The following BLOC1S1 variants were observed in gnomAD, a reference collection of about 807,000 sequenced individuals.
The protein encoded by BLOC1S1 is biogenesis of lysosome-related organelles complex 1 subunit 1.
BLOC1S1 carries 11 observed loss-of-function variants against 19.0 expected under a neutral mutation model. That is an observed-to-expected ratio of 0.58 (90% CI 0.37 to 0.96). The LOEUF (loss-of-function observed/expected upper bound fraction) is 0.96, where lower values mean the gene tolerates loss of function less well. Ranked by LOEUF, BLOC1S1 falls within the 40% of genes least tolerant of loss-of-function variation. The pLI is 0.01. For synonymous variants in BLOC1S1, 94 were observed against 76.4 expected, an observed-to-expected ratio of 1.23 and a Z score of -1.20; for missense variants, 220 against 195.9, an observed-to-expected ratio of 1.12 and a Z score of -0.73.
At chr12:55,719,279 C>T (rs1397927721) in intron 3 of BLOC1S1, 56 bp downstream of exon 3, 1 of 1,613,518 alleles carries the variant, frequency 6.2e-7, no homozygotes, top group African/African-American at 1.3e-5. Flanking sequence ...TGGCTGCCTC[C>T]AGTCAGGTTA....
rs1193160396 is a variant in BLOC1S1, at chr12:55,719,243, T to C, written c.351+20T>C. 2 of 1,613,946 alleles carry C rather than the reference T, an allele frequency of 1.2e-6. No individual in the cohort carries two copies. The highest frequency in any genetic ancestry group is 1.7e-6 in the Non-Finnish European group (2 of 1,179,972). ...CTCAAGGTGGGCCATACTCCCTACCTCACCACCCCAATCCTGGGCCCCCAT... is the reference window on the plus strand; with the variant it reads ...CTCAAGGTGGGCCATACTCCCTACCCCACCACCCCAATCCTGGGCCCCCAT... On this transcript the variant is annotated intron_variant, in intron 3 of 3. Coordinates refer to ENST00000548925, the MANE Select transcript of BLOC1S1 (RefSeq NM_001487.4).
intron 2 of BLOC1S1, among the ~76,000 whole-genome samples, chr12:55,718,305 A>G (rs1707223131): frequency 6.6e-6 from 1 of 152,144 alleles, no homozygotes; most frequent in South Asian, 2.1e-4. Flanking sequence ...CTGGCTGAGT[A>G]GAGCTCTGGG....
chr12:55,719,193 A>G lies in BLOC1S1; in HGVS notation c.321A>G (p.Gly107=). 6.2e-7 allele frequency: 1 copy of G among 1,613,784 alleles called. No individual in the cohort carries two copies. Residue 107 remains glycine (G), a synonymous_variant, in exon 3 of 4, where the codon GGA becomes GGG. Coordinates refer to ENST00000548925, the MANE Select transcript of BLOC1S1 (RefSeq NM_001487.4). ...QFAKQTGQWI[G]MVENFNQALK... ...CCAAGCAGACAGGCCAGTGGATCGG[A>G]ATGGTGGAGAACTTCAACCAGGCAC... is the stretch of plus-strand genomic sequence containing the variant.
Position 55,716,950 on chromosome 12 carries a change from G to T in BLOC1S1, c.163G>T (p.Ala55Ser). ...CTCCCCAGAAAAGAGGAGGCGAGAG[G>T]CTATCACTGCAGCGACCTGCCTGAC... is the stretch of plus-strand genomic sequence containing the variant. Reference protein sequence around the residue: ...KELQEKRRREAITAATCLTEA... With the variant: ...KELQEKRRRESITAATCLTEA... The change falls in exon 2 of 4, where the codon GCT (alanine) becomes TCT (serine). Residue 55 changes from alanine to serine, a missense_variant. Physicochemically the swap from Ala to Ser is moderately conservative, Grantham distance 99. Transcript: ENST00000548925. 6.3e-7 allele frequency: 1 copy of T among 1,592,620 alleles called. No homozygotes were observed. Among genetic ancestry groups the T allele is most frequent in the Non-Finnish European group, 8.5e-7 (1 of 1,171,104 alleles).
chr12:55,719,286 G>T (rs1565653206), intron 3 of BLOC1S1, 63 bp downstream of exon 3: 5 of 1,612,318 alleles, frequency 3.1e-6, no homozygotes, highest in Admixed American at 3.3e-5. Context: ...CTCCAGTCAG[G>T]TTACCTCAGG....
At chr12:55,718,518 T>TGTGTGTGTG (rs1565652869) in intron 2 of BLOC1S1, among the ~76,000 whole-genome samples, 5 of 125,312 alleles carry the variant, frequency 4.0e-5, no homozygotes, top group African/African-American at 1.7e-4. Context: ...GTGTGTGTGT[T>TGTGTGTGTG]TGTGTGTGTT....
chr12:55,719,648 C>A lies in BLOC1S1; in HGVS notation c.*39C>A. On this transcript the variant is annotated 3_prime_UTR_variant, in exon 4 of 4. Coordinates refer to ENST00000548925, the MANE Select transcript of BLOC1S1 (RefSeq NM_001487.4). The stretch of plus-strand genomic sequence containing the variant: ...CCCCAACCCTATCCCTCCTACCTCA[C>A]CCGCAGGGGGAAGGAGGGAGGCTGA... 6.5e-7 allele frequency: 1 copy of A among 1,546,160 alleles called. No homozygotes were observed. The highest frequency in any genetic ancestry group is 8.9e-7 in the Non-Finnish European group (1 of 1,119,804).
chr12:55,716,379 G>A, intron 1 of BLOC1S1, 183 bp downstream of exon 1: 1 of 1,428,802 alleles, frequency 7.0e-7, no homozygotes, highest in Non-Finnish European at 9.1e-7. Context: ...AACTGGCTCC[G>A]GTCCCTTGGG....
At chr12:55,716,716 G>C (rs1248149593) in intron 1 of BLOC1S1, 2 of 1,309,824 alleles carry the variant, frequency 1.5e-6, no homozygotes, top group Non-Finnish European at 1.9e-6. Context: ...TGGCGTCCCT[G>C]AGTGAGTCCA....
At chr12:55,716,305 G>A (rs973541375) in intron 1 of BLOC1S1, 109 bp downstream of exon 1, 9 of 1,514,082 alleles carry the variant, frequency 5.9e-6, no homozygotes, top group Admixed American at 2.5e-5. Context: ...GCCAGCTAGC[G>A]GGCAACGGGC....
intron 2 of BLOC1S1, 127 bp from the exon 3 acceptor site, chr12:55,718,964 A>G (rs1409017450): frequency 8.1e-7 from 1 of 1,230,160 alleles, no homozygotes; most frequent in Non-Finnish European, 1.1e-6. Context: ...TTTGCATCAC[A>G]TCCAAAAATG....
chr12:55,716,471 C>A, intron 1 of BLOC1S1: 2 of 1,310,214 alleles, frequency 1.5e-6, no homozygotes, highest in South Asian at 1.8e-5. Flanking sequence ...AGCGCCCTGC[C>A]TATTGGCCCT....
At chr12:55,716,435 G>A (rs1483777220) in intron 1 of BLOC1S1, 1 of 1,365,234 alleles carries the variant, frequency 7.3e-7, no homozygotes, top group Admixed American at 3.4e-5. Context: ...CCGACCTGCC[G>A]CACCTTAGCC....
chr12:55,717,778 A>G (rs1876684804), intron 2 of BLOC1S1, among the ~76,000 whole-genome samples: 1 of 152,140 alleles, frequency 6.6e-6, no homozygotes, highest in East Asian at 1.9e-4. Context: ...GGTTGAGAGA[A>G]AGAAAGTTGT....
At chr12:55,719,035 C>T in intron 2 of BLOC1S1, 56 bp from the exon 3 acceptor site, 1 of 1,584,868 alleles carries the variant, frequency 6.3e-7, no homozygotes, top group South Asian at 1.1e-5. Context: ...AATATTAGTC[C>T]CGGAGACCAC....
At chr12:55,716,514 G>C in intron 1 of BLOC1S1, 4 of 1,249,116 alleles carry the variant, frequency 3.2e-6, no homozygotes, top group Non-Finnish European at 4.0e-6. Context: ...GGGAAGGAGC[G>C]ACTCTGGAGG....
Position 55,716,322 on chromosome 12 carries a change from G to A in BLOC1S1, c.145+126G>A, listed in dbSNP as rs937833518. The A allele has an allele frequency of 2.0e-6, 3 of 1,494,732 alleles. No individual in the cohort carries two copies. The East Asian group carries it at 7.7e-5, about 38-fold the overall frequency. 92.6% of individuals were successfully genotyped at this position (1,494,732 alleles called of 1,614,324 possible). On this transcript the variant is annotated intron_variant, in intron 1 of 3. Coordinates refer to ENST00000548925, the MANE Select transcript of BLOC1S1 (RefSeq NM_001487.4). Reference sequence around the variant, plus strand: ...CAGCTAGCGGGCAACGGGCATGGGGGAGAGGGAATTTCAGAGAGGCTTTTT... The same window carrying A: ...CAGCTAGCGGGCAACGGGCATGGGGAAGAGGGAATTTCAGAGAGGCTTTTT...
rs764146127 is a variant in BLOC1S1, at chr12:55,716,181, C to T, written c.130C>T (p.Arg44Cys). 8 of 1,611,254 alleles carry T rather than the reference C, an allele frequency of 5.0e-6. No individual in the cohort carries two copies. Among genetic ancestry groups the T allele is most frequent in the Non-Finnish European group, 5.9e-6 (7 of 1,178,656 alleles). ...LKEHQAKQNE[R>C]KELQEKRRRE... ...AGAACACCAGGCCAAGCAGAATGAA[C>T]GCAAGGAGCTGCAGGGTGAGCCAAA... Residue 44 changes from arginine (R) to cysteine (C), a missense_variant, in exon 1 of 4, where the codon CGC (arginine) becomes TGC (cysteine). Physicochemically the swap from Arg to Cys is radical, Grantham distance 180. Coordinates refer to ENST00000548925, the MANE Select transcript of BLOC1S1 (RefSeq NM_001487.4).
chr12:55,716,249 G>A, intron 1 of BLOC1S1, 53 bp downstream of exon 1: 1 of 1,560,706 alleles, frequency 6.4e-7, no homozygotes, highest in Non-Finnish European at 8.7e-7. Context: ...CCTAGCTTCA[G>A]CCCGGAGCCT....
Sources: allele counts gnomAD v4.1 joint callset (sites outside exome capture counted in the v4.1 genomes callset), GRCh38; gene constraint gnomAD v4.1.1; transcripts MANE v1.5; gene names NCBI Gene and HGNC (gene_info 2026-07-23, HGNC 2026-07-21).